Variants in SYNPO2 observed in about 807,000 individuals in gnomAD.
The protein encoded by SYNPO2 is synaptopodin-2.
A neutral mutation model predicts 85.0 loss-of-function variants in SYNPO2; 56 were observed. The ratio of observed to expected loss-of-function variants is 0.66; its 90% confidence interval spans 0.53 to 0.82. SYNPO2 has a LOEUF of 0.82. SYNPO2 is among the 40% of genes least tolerant of loss of function. SYNPO2 has a pLI of 0.00. For missense variants in SYNPO2, 1,575 were observed against 1,534.2 expected, an observed-to-expected ratio of 1.03 and a Z score of -0.44; for synonymous variants, 602 against 591.1, an observed-to-expected ratio of 1.02 and a Z score of -0.27.
At chr4:118,876,667 C>CTCTTTCTTTCTTTCTT (rs58409340) in intron 1 of SYNPO2, among the ~76,000 whole-genome samples, 5 of 112,092 alleles carry the variant, frequency 4.5e-5, no homozygotes, top group African/African-American at 7.1e-5. Flanking sequence ...TCCTTCCTTT[C>CTCTTTCTTTCTTTCTT]TCTTTCTTTC....
chr4:118,982,770 G>A (rs1736080263), intron 1 of SYNPO2, among the ~76,000 whole-genome samples: 1 of 152,134 alleles, frequency 6.6e-6, no homozygotes, highest in Non-Finnish European at 1.5e-5. Context: ...AACCTGTCTG[G>A]AAGGCATTCT....
chr4:119,012,394 A>AAT (rs1737350727), intron 1 of SYNPO2, among the ~76,000 whole-genome samples: 1 of 43,130 alleles, frequency 2.3e-5, no homozygotes, highest in Admixed American at 2.5e-4. Context: ...TTTTTTTTTT[A>AAT]TTTTACTTTA....
At chr4:119,033,812 A>G (rs1738382894) in intron 4 of SYNPO2, 3 of 984,446 alleles carry the variant, frequency 3.0e-6, no homozygotes, top group Non-Finnish European at 3.6e-6. Context: ...ATATTTCTCT[A>G]TATGGCTCCC....
chr4:118,940,613 T>C (rs1476834634), intron 1 of SYNPO2, among the ~76,000 whole-genome samples: 1 of 152,076 alleles, frequency 6.6e-6, no homozygotes, highest in Non-Finnish European at 1.5e-5. Flanking sequence ...ATTAGTATGA[T>C]GAGGTCGGTG....
intron 3 of SYNPO2, among the ~76,000 whole-genome samples, chr4:119,027,994 T>G (rs1428733145): frequency 6.6e-6 from 1 of 152,172 alleles, no homozygotes; most frequent in Non-Finnish European, 1.5e-5. Context: ...GTTGTGTAAG[T>G]CTTCATTTGA....
intron 1 of SYNPO2, among the ~76,000 whole-genome samples, chr4:118,980,393 C>T (rs1394309185): frequency 6.6e-6 from 1 of 152,116 alleles, no homozygotes; most frequent in Non-Finnish European, 1.5e-5. Context: ...AGTCTATCCA[C>T]ACTCCTAGAA....
chr4:118,884,754 T>C (rs1732169629), upstream of SYNPO2, among the ~76,000 whole-genome samples: 2 of 152,360 alleles, frequency 1.3e-5, no homozygotes, highest in South Asian at 4.1e-4. Context: ...CTGGGAACTC[T>C]TATTTATTTT....
At chr4:119,001,595 A>T (rs1736825460) in intron 1 of SYNPO2, among the ~76,000 whole-genome samples, 1 of 152,182 alleles carries the variant, frequency 6.6e-6, no homozygotes, top group South Asian at 2.1e-4. Context: ...AATATCAAAA[A>T]TGCAAGGATT....
chr4:118,951,576 T>C (rs927202614), intron 1 of SYNPO2, among the ~76,000 whole-genome samples: 2 of 152,154 alleles, frequency 1.3e-5, no homozygotes, highest in Admixed American at 6.5e-5. Flanking sequence ...TTTCAAAAAG[T>C]ATGAAGAGTT....
rs1429197168 is a variant in SYNPO2 at position 119,059,332 on chromosome 4, A to G, written c.*1398A>G. On this transcript the variant is annotated 3_prime_UTR_variant, in exon 5 of 5. Transcript: ENST00000307142. ...GATAATTTATTCAGTTATAGAAAACATGCCACAGAAGCCTATGTAACAAGT... is the reference window on the plus strand; with the variant it reads ...GATAATTTATTCAGTTATAGAAAACGTGCCACAGAAGCCTATGTAACAAGT... The G allele has an allele frequency of 2.0e-5, 3 of 152,184 alleles. No individual in the cohort carries two copies. The highest frequency in any genetic ancestry group is 4.4e-5 in the Non-Finnish European group (3 of 68,040). The allele number at this position is 152,184 out of a possible 1,614,324, so 9.4% of individuals were successfully genotyped here.
Position 119,030,349 on chromosome 4 carries a change from C to T in SYNPO2, c.1574C>T (p.Ala525Val). The T allele has an allele frequency of 6.2e-7, 1 of 1,614,062 alleles. No individual in the cohort carries two copies. Among genetic ancestry groups the T allele is most frequent in the Non-Finnish European group, 8.5e-7 (1 of 1,180,026 alleles). Residue 525 changes from alanine (A) to valine (V), a missense_variant, in exon 4 of 5, where the codon GCC (alanine) becomes GTC (valine). Coordinates refer to ENST00000307142, the MANE Select transcript of SYNPO2 (RefSeq NM_133477.3). ...ACGCCAAGCAGAGAACAAGATGCTG[C>T]CCAGACCGATGGCCTGAGAACCACG... ...GGTPSREQDA[A>V]QTDGLRTTTS...
At chr4:118,938,399 G>A (rs116343072) in intron 1 of SYNPO2, among the ~76,000 whole-genome samples, 7,646 of 152,080 alleles carry the variant, frequency 0.05, 251 homozygotes, top group Non-Finnish European at 0.077. Context: ...TTTTATTGTT[G>A]TTGGGTTTTT....
At chr4:118,905,331 C>A (rs1732895793) in intron 1 of SYNPO2, among the ~76,000 whole-genome samples, 1 of 152,150 alleles carries the variant, frequency 6.6e-6, no homozygotes, top group Non-Finnish European at 1.5e-5. Flanking sequence ...CTTTCTTTAT[C>A]TAGATTTTTG....
At chr4:118,972,166 G>A (rs7697994) in intron 1 of SYNPO2, among the ~76,000 whole-genome samples, 2 of 152,126 alleles carry the variant, frequency 1.3e-5, no homozygotes, top group Admixed American at 6.5e-5. Flanking sequence ...TTCTGAGGCC[G>A]AGTGCAGAGG....
At chr4:119,055,120 C>A (rs1383111201) in intron 4 of SYNPO2, among the ~76,000 whole-genome samples, 1 of 151,968 alleles carries the variant, frequency 6.6e-6, no homozygotes, top group Non-Finnish European at 1.5e-5. Flanking sequence ...TCTCTATCTT[C>A]TCTAAACTGA....
intron 1 of SYNPO2, among the ~76,000 whole-genome samples, chr4:118,976,826 T>A (rs1176971967): frequency 6.6e-6 from 1 of 151,966 alleles, no homozygotes; most frequent in Non-Finnish European, 1.5e-5. Flanking sequence ...ACATAAAGGT[T>A]CTCCACGTCC....
intron 4 of SYNPO2, chr4:119,032,387 G>A (rs1738315065): frequency 1.7e-6 from 2 of 1,178,692 alleles, no homozygotes; most frequent in Non-Finnish European, 2.1e-6. Flanking sequence ...TCAGGAATCA[G>A]CCTTTATGTA....
At chr4:118,886,214 G>T (rs1028624960), upstream of SYNPO2, among the ~76,000 whole-genome samples, 15 of 151,506 alleles carry the variant, frequency 9.9e-5, no homozygotes, top group African/African-American at 3.6e-4. Context: ...ATATGAAAGT[G>T]TTTTTTTTCT....
At position 119,031,739 on chromosome 4, in the gene SYNPO2, C is replaced by T. The variant is rs892227311; in HGVS notation, c.2964C>T (p.Leu988=). ...TFQPPDAKDG[L]PQKSSVKVNS... ...AACCTCCAGATGCAAAGGATGGCCT[C>T]CCCCAGAAGTCATCAGTCAAGGTCA... Residue 988 remains leucine, a synonymous_variant, in exon 4 of 5, where the codon CTC becomes CTT. Coordinates refer to ENST00000307142, the MANE Select transcript of SYNPO2 (RefSeq NM_133477.3). 6.2e-7 allele frequency: 1 copy of T among 1,614,234 alleles called. No individual in the cohort carries two copies.
Sources: gnomAD v4.1 joint callset for allele counts (sites outside exome capture counted in the v4.1 genomes callset) on GRCh38, gnomAD v4.1.1 for gene constraint, MANE v1.5 for transcripts, NCBI Gene and HGNC (gene_info 2026-07-23, HGNC 2026-07-21) for gene names.